Variants in CCDC18 observed in about 807,000 individuals in gnomAD.
The protein encoded by CCDC18 is coiled-coil domain-containing protein 18.
Under a neutral mutation model 196.0 loss-of-function variants are expected in CCDC18, and 157 were observed. The observed-to-expected ratio is 0.80, with a 90% confidence interval of 0.70 to 0.91. The LOEUF (loss-of-function observed/expected upper bound fraction) is 0.91. Among genes scored for constraint, CCDC18 ranks in the 40% least tolerant of loss-of-function variants. The pLI, the probability that CCDC18 is intolerant of heterozygous loss-of-function variation, is 0.00. For missense variants in CCDC18, 1,465 were observed against 1,611.6 expected (o/e 0.91, Z 1.56); for synonymous variants, 482 against 529.2 (o/e 0.91, Z 1.22).
At chr1:93,234,980 CTTT>C (rs1157777937) in intron 18 of CCDC18, among the ~76,000 whole-genome samples, 1 of 71,074 alleles carries the variant, frequency 1.4e-5, no homozygotes. Flanking sequence ...TGTGGCTTTT[CTTT>C]TTTTTTCTTT....
intron 18 of CCDC18, among the ~76,000 whole-genome samples, chr1:93,234,353 G>T (rs1055312583): frequency 6.6e-6 from 1 of 151,784 alleles, no homozygotes; most frequent in Non-Finnish European, 1.5e-5. Context: ...GTAGAGGCGG[G>T]GTTTCACCAT....
At chr1:93,274,230 C>A (rs1314857386) in intron 28 of CCDC18, among the ~76,000 whole-genome samples, 1 of 152,000 alleles carries the variant, frequency 6.6e-6, no homozygotes, top group Non-Finnish European at 1.5e-5. Flanking sequence ...GGGCAAAACC[C>A]CATCTCTACT....
rs1197157565 is a variant in CCDC18, at chr1:93,268,595, C to G, written c.3886-1752C>G. ...AACAAATTTACAAGAAAAAAACAAC[C>G]CCATCAAAAAGTGGGAGAAGGATAT... On this transcript the variant is annotated intron_variant, in intron 27 of 28. Coordinates refer to ENST00000690025, the MANE Select transcript of CCDC18 (RefSeq NM_001378204.1). Among the ~76,000 whole-genome samples, 7 of 151,832 alleles carry G rather than the reference C, an allele frequency of 4.6e-5. No homozygotes were observed. In the East Asian group the frequency reaches 1.4e-3, roughly 29 times the overall value.
intron 27 of CCDC18, among the ~76,000 whole-genome samples, chr1:93,268,425 T>C (rs1664809083): frequency 6.6e-6 from 1 of 151,970 alleles, no homozygotes; most frequent in African/African-American, 2.4e-5. Flanking sequence ...AAAACCAAAA[T>C]AGACAAATGG....
chr1:93,204,430 C>T (rs1450541126), intron 7 of CCDC18, among the ~76,000 whole-genome samples: 9 of 151,810 alleles, frequency 5.9e-5, no homozygotes, highest in Non-Finnish European at 1.3e-4. Flanking sequence ...GTGAGTATTT[C>T]TCATAATATA....
At chr1:93,208,671 T>G (rs1655116644) in intron 9 of CCDC18, among the ~76,000 whole-genome samples, 1 of 151,514 alleles carries the variant, frequency 6.6e-6, no homozygotes, top group South Asian at 2.1e-4. Context: ...AACTTAAAAT[T>G]TTTTTTCTTT....
Position 93,210,791 on chromosome 1 carries a change from T to A in CCDC18, c.1210-11T>A. 6.3e-7 allele frequency: 1 copy of A among 1,577,746 alleles called. No individual in the cohort carries two copies. The highest frequency in any genetic ancestry group is 8.7e-7 in the Non-Finnish European group (1 of 1,149,738). On this transcript the variant is annotated splice_polypyrimidine_tract_variant and intron_variant, in intron 9 of 28. Coordinates refer to ENST00000690025, the MANE Select transcript of CCDC18 (RefSeq NM_001378204.1). The stretch of plus-strand genomic sequence containing the variant: ...ACATAAGTTTACATATGTTTGTTTT[T>A]AAACTTGCAGTTAAAAAGAGAATTA...
At chr1:93,260,777 C>T (rs1208160537) in intron 26 of CCDC18, among the ~76,000 whole-genome samples, 2 of 152,062 alleles carry the variant, frequency 1.3e-5, no homozygotes, top group Non-Finnish European at 2.9e-5. Flanking sequence ...TAATCCCCCA[C>T]CACCCAACAG....
At chr1:93,242,268 G>A (rs1417990305) in intron 21 of CCDC18, among the ~76,000 whole-genome samples, 7 of 152,152 alleles carry the variant, frequency 4.6e-5, no homozygotes, top group African/African-American at 9.7e-5. Context: ...ACAGTTCCAC[G>A]TGGCTGGGGA....
chr1:93,182,012 A>G (rs1649800465), intron 1 of CCDC18, among the ~76,000 whole-genome samples: 3 of 152,306 alleles, frequency 2.0e-5, no homozygotes, highest in East Asian at 1.9e-4. Flanking sequence ...AATTTGCCCA[A>G]TTTTCTCTAC....
In CCDC18 at chr1:93,193,602, C is replaced by G; in HGVS notation, c.570-14C>G. ...TCTTTAGTAGTCTTAAACAAAGTAT[C>G]CTTTATTTTATAGAGAGGCAGAAAA... On this transcript the variant is annotated splice_polypyrimidine_tract_variant and intron_variant, in intron 5 of 28. Coordinates refer to ENST00000690025, the MANE Select transcript of CCDC18 (RefSeq NM_001378204.1). The G allele has an allele frequency of 6.5e-7, 1 of 1,544,580 alleles. No homozygotes were observed. Among genetic ancestry groups the G allele is most frequent in the South Asian group, 1.2e-5 (1 of 82,630 alleles).
chr1:93,256,394 G>A lies in CCDC18; in HGVS notation c.3402G>A (p.Gly1134=), dbSNP rs758864711. Residue 1134 remains glycine, a synonymous_variant, in exon 25 of 29, where the codon GGG becomes GGA. Transcript: ENST00000690025. ...ATQYKEAIDL[G]QELRLTREQV... ...AGTACAAGGAGGCCATAGATTTGGG[G>A]CAAGAATTGAGGCTGACCCGGGAGC... 6.2e-6 allele frequency: 10 copies of A among 1,613,918 alleles called. No homozygotes were observed. In the South Asian group the frequency reaches 8.8e-5, roughly 14 times the overall value.
intron 3 of CCDC18, 88 bp downstream of exon 3, chr1:93,184,234 A>G (rs1650244088): frequency 1.8e-6 from 1 of 545,172 alleles, no homozygotes; most frequent in Non-Finnish European, 2.7e-6. Context: ...TTTAAAATTA[A>G]ATTAAAGAAA....
Position 93,236,345 on chromosome 1 carries a change from C to T in CCDC18, c.2558C>T (p.Ala853Val), listed in dbSNP as rs1204913662. Residue 853 changes from alanine (A) to valine (V), a missense_variant, in exon 19 of 29, where the codon GCA becomes GTA. Physicochemically the swap from Ala to Val is moderately conservative, Grantham distance 64. Coordinates refer to ENST00000690025, the MANE Select transcript of CCDC18 (RefSeq NM_001378204.1). The stretch of plus-strand genomic sequence containing the variant: ...AAATGTGAATCAGCTGCACATGAAG[C>T]AGATTTGAAAAGGCAAAAAGTGATT... ...EEKCESAAHE[A>V]DLKRQKVIEL... The T allele has an allele frequency of 6.3e-6, 10 of 1,583,428 alleles. No homozygotes were observed. The Admixed American group carries it at 1.9e-4, about 30-fold the overall frequency.
At chr1:93,248,643 C>T (rs1570563083) in intron 23 of CCDC18, among the ~76,000 whole-genome samples, 1 of 151,980 alleles carries the variant, frequency 6.6e-6, no homozygotes, top group African/African-American at 2.4e-5. Context: ...ATGTCCTTGT[C>T]CGGTTTTGGT....
intron 11 of CCDC18, 144 bp downstream of exon 11, chr1:93,212,405 A>G (rs143666704): frequency 0.017 from 8,230 of 484,322 alleles, 92 homozygotes; most frequent in Non-Finnish European, 0.022. Context: ...AGCTTGTGTC[A>G]TGGAGGTTTG....
chr1:93,181,159 T>TAAAAAAAAAAAAAAAAAAAA (rs71094239), intron 1 of CCDC18, among the ~76,000 whole-genome samples: 1 of 89,858 alleles, frequency 1.1e-5, no homozygotes. Flanking sequence ...TCTATAAAAT[T>TAAAAAAAAAAAAAAAAAAAA]AAAAAAAAAA....
chr1:93,264,156 C>T (rs1664185135), intron 26 of CCDC18, among the ~76,000 whole-genome samples: 1 of 152,108 alleles, frequency 6.6e-6, no homozygotes, highest in South Asian at 2.1e-4. Context: ...ACGATCAGAT[C>T]TCATGAGAAC....
chr1:93,270,678 C>T lies in CCDC18; in HGVS notation c.4217C>T (p.Pro1406Leu). Residue 1406 changes from proline to leucine, a missense_variant, in exon 28 of 29, where the codon CCT becomes CTT. Transcript: ENST00000690025. ...TACACCCAGCCAGACTCATTTAAACCTCTCACATATAACCTAGAAGCTGAT... is the reference window on the plus strand; with the variant it reads ...TACACCCAGCCAGACTCATTTAAACTTCTCACATATAACCTAGAAGCTGAT... ...LTYTQPDSFK[P>L]LTYNLEADSS... The T allele has an allele frequency of 6.5e-7, 1 of 1,550,346 alleles. No individual in the cohort carries two copies. The highest frequency in any genetic ancestry group is 8.7e-7 in the Non-Finnish European group (1 of 1,146,882).
Sources: allele counts gnomAD v4.1 joint callset (sites outside exome capture counted in the v4.1 genomes callset), GRCh38; gene constraint gnomAD v4.1.1; transcripts MANE v1.5; gene names NCBI Gene and HGNC (gene_info 2026-07-23, HGNC 2026-07-21).